Variants in RBFOX3 observed in about 807,000 individuals in gnomAD.
The protein encoded by RBFOX3 is RNA binding fox-1 homolog 3, also known as RNA binding protein fox-1 homolog 3.
A neutral mutation model predicts 48.7 loss-of-function variants in RBFOX3; 17 were observed. The ratio of observed to expected loss-of-function variants is 0.35; its 90% CI spans 0.24 to 0.52. The LOEUF (loss-of-function observed/expected upper bound fraction) is 0.52. Among genes scored for constraint, RBFOX3 ranks in the 20% least tolerant of loss-of-function variants. The pLI is 0.94. For synonymous variants in RBFOX3, 212 were observed against 209.5 expected (o/e 1.01, Z -0.10); for missense variants, 382 against 497.5 (o/e 0.77, Z 2.21).
At chr17:79,591,647 G>T (rs891601467) in intron 1 of RBFOX3, among the ~76,000 whole-genome samples, 2 of 152,194 alleles carry the variant, frequency 1.3e-5, no homozygotes, top group African/African-American at 4.8e-5. Flanking sequence ...CGTGTTTTCT[G>T]TTGGGTCACC....
In RBFOX3 at chr17:79,220,326, T is replaced by C. The variant is rs530009449; in HGVS notation, c.-34+15440A>G. Among the ~76,000 whole-genome samples, 3 of 152,328 alleles carry C rather than the reference T, an allele frequency of 2.0e-5. No individual in the cohort carries two copies. The highest frequency in any genetic ancestry group is 4.4e-5 in the Non-Finnish European group (3 of 68,034). Reference sequence around the variant, plus strand: ...CCCCAACGCTGGCACTCAGTTTAGCTGTCACTTGCAGCTGTCTTAGGAAGT... The same window carrying C: ...CCCCAACGCTGGCACTCAGTTTAGCCGTCACTTGCAGCTGTCTTAGGAAGT... On this transcript the variant is annotated intron_variant, in intron 4 of 14. Coordinates refer to ENST00000693108, the MANE Select transcript of RBFOX3 (RefSeq NM_001350451.2). The surrounding 1 kb of genome is among the most constrained non-coding windows in gnomAD (Gnocchi z 5.9).
In RBFOX3 at chr17:79,392,454, G is replaced by A. The variant is rs569003538; in HGVS notation, c.-174-84630C>T. On this transcript the variant is annotated intron_variant, in intron 2 of 14. Coordinates refer to ENST00000693108, the MANE Select transcript of RBFOX3 (RefSeq NM_001350451.2). This position sits in a 1 kb window ranked among gnomAD's most constrained non-coding sequence, Gnocchi z 5.0. Reference sequence around the variant, plus strand: ...CCACTCACAGGTGCATGGTAATGTCGGTGGTACAGGTGTCTTGTGGCTGTC... The same window carrying A: ...CCACTCACAGGTGCATGGTAATGTCAGTGGTACAGGTGTCTTGTGGCTGTC... 6.6e-6 allele frequency among the ~76,000 whole-genome samples: 1 copy of A among 152,334 alleles called. No homozygotes were observed. Among genetic ancestry groups the A allele is most frequent in the South Asian group, 2.1e-4 (1 of 4,824 alleles).
chr17:79,208,942 A>G (rs1279808709), intron 4 of RBFOX3, among the ~76,000 whole-genome samples: 1 of 151,966 alleles, frequency 6.6e-6, no homozygotes, highest in Admixed American at 6.6e-5. Flanking sequence ...CAGCCTCCCA[A>G]GTAGCTGGGA....
intron 3 of RBFOX3, among the ~76,000 whole-genome samples, chr17:79,281,435 C>T (rs1435147647): frequency 1.3e-5 from 2 of 149,320 alleles, no homozygotes; most frequent in Non-Finnish European, 3.0e-5. Context: ...AGCTTGGATG[C>T]ATGTGGTTAG....
chr17:79,317,432 C>T (rs1293224436), intron 2 of RBFOX3, among the ~76,000 whole-genome samples: 1 of 152,234 alleles, frequency 6.6e-6, no homozygotes, highest in Non-Finnish European at 1.5e-5. Context: ...TTCAGCCTCA[C>T]CAGGGTTCAC....
chr17:79,532,569 G>A (rs1307908433), intron 1 of RBFOX3, among the ~76,000 whole-genome samples: 3 of 152,174 alleles, frequency 2.0e-5, no homozygotes, highest in Non-Finnish European at 2.9e-5. Flanking sequence ...AGCGATGGAG[G>A]CCCACACTCC....
At chr17:79,376,187 A>G (rs904445984) in intron 2 of RBFOX3, among the ~76,000 whole-genome samples, 6 of 152,062 alleles carry the variant, frequency 3.9e-5, no homozygotes, top group African/African-American at 1.4e-4. Context: ...GGGCGAGGAG[A>G]CTGCCTTCTC....
Position 79,480,009 on chromosome 17 carries a change from G to A in RBFOX3, c.-175+2445C>T, listed in dbSNP as rs955098363. ...CTATACTCATTTTCTCAGACAGCCT[G>A]CAAGCACAGTGATCTTGGCACAGAG... On this transcript the variant is annotated intron_variant, in intron 2 of 14. Coordinates refer to ENST00000693108, the MANE Select transcript of RBFOX3 (RefSeq NM_001350451.2). The surrounding 1 kb of genome is among the most constrained non-coding windows in gnomAD (Gnocchi z 4.8). Among the ~76,000 whole-genome samples the A allele has an allele frequency of 1.3e-5, 2 of 152,296 alleles. No homozygotes were observed. Among genetic ancestry groups the A allele is most frequent in the South Asian group, 2.1e-4 (1 of 4,824 alleles).
chr17:79,413,390 C>T (rs1863645319), intron 2 of RBFOX3, among the ~76,000 whole-genome samples: 1 of 152,248 alleles, frequency 6.6e-6, no homozygotes, highest in African/African-American at 2.4e-5. Flanking sequence ...CTGCTGCATC[C>T]AGAGGCTTTC....
In RBFOX3 at chr17:79,249,522, TCCCACAC is replaced by T. The variant is rs2063633569; in HGVS notation, c.-73-13724_-73-13718del. 1.3e-5 allele frequency among the ~76,000 whole-genome samples: 2 copies of T among 150,630 alleles called. No individual in the cohort carries two copies. Among genetic ancestry groups the T allele is most frequent in the Non-Finnish European group, 3.0e-5 (2 of 67,630 alleles). ...TTCACCTGCAAACCGGCCAACCAGA[TCCCACAC>T]CCCAAGCCCCTGCCTCTATCGGGGT... On this transcript the variant is annotated intron_variant, in intron 3 of 14. Transcript: ENST00000693108. The surrounding 1 kb of genome is among the most constrained non-coding windows in gnomAD (Gnocchi z 4.1).
intron 4 of RBFOX3, among the ~76,000 whole-genome samples, chr17:79,138,963 C>T (rs2703514): frequency 0.35 from 26,547 of 76,052 alleles, 2,856 homozygotes; most frequent in Middle Eastern, 0.4. Context: ...CCCACACATG[C>T]ACACAGCACA....
At chr17:79,429,082 CCAA>C (rs2067943680) in intron 2 of RBFOX3, among the ~76,000 whole-genome samples, 1 of 152,222 alleles carries the variant, frequency 6.6e-6, no homozygotes. Flanking sequence ...GCTGTTGATG[CCAA>C]CAACACCTCT....
the RBFOX3 span, among the ~76,000 whole-genome samples, chr17:79,619,971 A>C: frequency 2.0e-5 from 3 of 152,258 alleles, no homozygotes; most frequent in Non-Finnish European, 4.4e-5. Flanking sequence ...AGCCCAAGCC[A>C]ACCACACGCG....
chr17:79,388,441 A>G (rs968104478), intron 2 of RBFOX3, among the ~76,000 whole-genome samples: 1 of 152,188 alleles, frequency 6.6e-6, no homozygotes, highest in Non-Finnish European at 1.5e-5. Flanking sequence ...TACTTCTTCC[A>G]ACACACATGG....
At chr17:79,397,380 C>A (rs1426513158) in intron 2 of RBFOX3, among the ~76,000 whole-genome samples, 2 of 151,910 alleles carry the variant, frequency 1.3e-5, no homozygotes, top group South Asian at 2.1e-4. Flanking sequence ...GTAGTCCCAG[C>A]TACTCGGGGG....
intron 4 of RBFOX3, among the ~76,000 whole-genome samples, chr17:79,116,012 A>G (rs2033845674): frequency 6.6e-6 from 1 of 152,202 alleles, no homozygotes; most frequent in Non-Finnish European, 1.5e-5. Context: ...ACCTGGGTAC[A>G]AGAACAACTG....
chr17:79,303,555 T>C lies in RBFOX3; in HGVS notation c.-74+4169A>G, dbSNP rs893456229. On this transcript the variant is annotated intron_variant, in intron 3 of 14. Coordinates refer to ENST00000693108, the MANE Select transcript of RBFOX3 (RefSeq NM_001350451.2). ...TGAGCATTTTCTCTTCTGAGGTTTG[T>C]CTGCTTGCCTCCTGAAATAATAAGT... 7.2e-5 allele frequency among the ~76,000 whole-genome samples: 11 copies of C among 152,142 alleles called. 1 individual carries two copies.
At chr17:79,428,164 T>C (rs567993245) in intron 2 of RBFOX3, among the ~76,000 whole-genome samples, 4 of 152,372 alleles carry the variant, frequency 2.6e-5, no homozygotes, top group African/African-American at 9.6e-5. Flanking sequence ...CTCTGTCCCT[T>C]GAAGGTGCCT....
intron 1 of RBFOX3, among the ~76,000 whole-genome samples, chr17:79,583,919 G>C (rs2144882308): frequency 6.6e-6 from 1 of 152,204 alleles, no homozygotes; most frequent in East Asian, 1.9e-4. Flanking sequence ...AAGGTGTGGG[G>C]GTGCCTAGAA....
Sources: gnomAD v4.1 joint callset for allele counts (sites outside exome capture counted in the v4.1 genomes callset) on GRCh38, gnomAD v4.1.1 for gene constraint, Gnocchi (gnomAD v3.1) non-coding constraint, MANE v1.5 for transcripts, NCBI Gene and HGNC (gene_info 2026-07-23, HGNC 2026-07-21) for gene names.